LTBP1: variants seen among roughly 807,000 people sequenced by gnomAD.
The protein encoded by LTBP1 is latent-transforming growth factor beta-binding protein 1.
A neutral mutation model predicts 207.6 loss-of-function variants in LTBP1; 129 were observed. The ratio of observed to expected loss-of-function variants is 0.62; its 90% CI spans 0.54 to 0.72. LTBP1 has a LOEUF of 0.72. LTBP1 is among the 30% of genes least tolerant of loss of function. The probability of loss-of-function intolerance (pLI) is 0.00; values close to 1 mark genes in which losing one functional copy is unlikely to be tolerated. For synonymous variants in LTBP1, 963 were observed against 833.7 expected, an observed-to-expected ratio of 1.16 and a Z score of -2.67; for missense variants, 2,281 against 2,217.2, an observed-to-expected ratio of 1.03 and a Z score of -0.58.
intron 3 of LTBP1, among the ~76,000 whole-genome samples, chr2:33,081,028 T>TC (rs1248746694): frequency 6.6e-6 from 1 of 152,186 alleles, no homozygotes; most frequent in Non-Finnish European, 1.5e-5. Flanking sequence ...GGGAAACCTC[T>TC]ATATTTTATG....
At chr2:32,989,854 T>G (rs1684138880) in intron 2 of LTBP1, among the ~76,000 whole-genome samples, 1 of 152,248 alleles carries the variant, frequency 6.6e-6, no homozygotes, top group Non-Finnish European at 1.5e-5. Context: ...GGTAATATGG[T>G]ACCTACGGCA....
At chr2:32,971,782 G>A (rs182318009) in intron 2 of LTBP1, among the ~76,000 whole-genome samples, 16 of 152,238 alleles carry the variant, frequency 1.1e-4, no homozygotes, top group African/African-American at 3.4e-4. Flanking sequence ...GTGTGTCTCT[G>A]CCAAGTTTTG....
intron 3 of LTBP1, among the ~76,000 whole-genome samples, chr2:33,056,826 G>T (rs2077023219): frequency 1.3e-5 from 2 of 152,002 alleles, no homozygotes; most frequent in Admixed American, 1.3e-4. Flanking sequence ...AGGGGACCCG[G>T]ACGGGTTGCC....
intron 19 of LTBP1, among the ~76,000 whole-genome samples, chr2:33,286,578 A>T (rs928616555): frequency 6.6e-6 from 1 of 152,230 alleles, no homozygotes; most frequent in Non-Finnish European, 1.5e-5. Flanking sequence ...CTACATTATT[A>T]TATGCTAAAG....
intron 2 of LTBP1, among the ~76,000 whole-genome samples, chr2:32,995,453 C>T (rs1393125904): frequency 6.6e-5 from 10 of 152,112 alleles, no homozygotes; most frequent in African/African-American, 2.4e-4. Flanking sequence ...TTGTGTCCAA[C>T]TCCAGGATTT....
chr2:33,254,549 GTTTT>G (rs531576154), intron 11 of LTBP1, among the ~76,000 whole-genome samples: 3 of 95,586 alleles, frequency 3.1e-5, no homozygotes, highest in African/African-American at 8.6e-5. Flanking sequence ...TTTAAACTTG[GTTTT>G]TTTTTTTTTT....
intron 11 of LTBP1, among the ~76,000 whole-genome samples, chr2:33,256,952 T>C (rs1312801432): frequency 6.7e-6 from 1 of 150,150 alleles, no homozygotes; most frequent in Non-Finnish European, 1.5e-5. Context: ...TAATCCCTCA[T>C]GGATACTGAG....
intron 3 of LTBP1, among the ~76,000 whole-genome samples, chr2:33,092,645 AT>A (rs58111319): frequency 0.79 from 120,250 of 152,152 alleles, 49,529 homozygotes; most frequent in East Asian, 1. Context: ...CATAGGTGGA[AT>A]TTTTAGTCTT....
At chr2:33,222,216 T>G in intron 9 of LTBP1, 65 bp downstream of exon 9, 1 of 1,160,916 alleles carries the variant, frequency 8.6e-7, no homozygotes, top group Non-Finnish European at 1.3e-6. Flanking sequence ...AAACTTCAGT[T>G]GTTTGCCACG....
At chr2:33,103,427 G>C (rs1034351596) in intron 3 of LTBP1, among the ~76,000 whole-genome samples, 6 of 152,180 alleles carry the variant, frequency 3.9e-5, no homozygotes, top group Admixed American at 3.9e-4. Context: ...TTTGTATGCT[G>C]TATGCACCAT....
intron 3 of LTBP1, among the ~76,000 whole-genome samples, chr2:33,098,311 A>G (rs2079509935): frequency 6.6e-6 from 1 of 152,148 alleles, no homozygotes; most frequent in Non-Finnish European, 1.5e-5. Flanking sequence ...GCATTGAATC[A>G]CCAATTTGTC....
intron 15 of LTBP1, among the ~76,000 whole-genome samples, chr2:33,270,947 G>C (rs2093307497): frequency 6.6e-6 from 1 of 152,148 alleles, no homozygotes; most frequent in Non-Finnish European, 1.5e-5. Context: ...TGGTGGGAAA[G>C]GCCATTATTA....
chr2:33,361,436 C>G lies in LTBP1; in HGVS notation c.4191C>G (p.Phe1397Leu). The part of the protein sequence containing the change: ...FPCPVLGTAE[F>L]TEMCPKGKGF... ...TGTCTCTTCTAAAATCAGCTGAGTT[C>G]ACTGAAATGTGTCCCAAAGGGAAAG... Residue 1397 changes from phenylalanine to leucine, a missense_variant, in exon 28 of 34, where the codon TTC (phenylalanine) becomes TTG (leucine). By Grantham distance (22) the Phe-to-Leu change is conservative. Around this residue, in one of 3 missense-constraint regions of LTBP1, gnomAD observed 1,671 missense variants for 1,634.8 expected, o/e 1.02. Transcript: ENST00000404816. 1 of 1,548,444 alleles carries G rather than the reference C, an allele frequency of 6.5e-7. No individual in the cohort carries two copies. The highest frequency in any genetic ancestry group is 1.4e-5 in the African/African-American group (1 of 70,638).
intron 20 of LTBP1, among the ~76,000 whole-genome samples, chr2:33,298,654 A>G (rs1044655591): frequency 6.6e-6 from 1 of 152,226 alleles, no homozygotes; most frequent in Non-Finnish European, 1.5e-5. Flanking sequence ...TTTGAAAGGT[A>G]TAAAATAATC....
chr2:33,036,219 G>A (rs959511376), intron 3 of LTBP1, among the ~76,000 whole-genome samples: 1 of 152,110 alleles, frequency 6.6e-6, no homozygotes, highest in African/African-American at 2.4e-5. Flanking sequence ...CAGAGTTTCC[G>A]ATTTGGTGGG....
intron 2 of LTBP1, among the ~76,000 whole-genome samples, chr2:33,010,614 C>G (rs1184229919): frequency 6.6e-6 from 1 of 151,662 alleles, no homozygotes; most frequent in African/African-American, 2.4e-5. Context: ...CTGCAGGTAA[C>G]AAGATATCAC....
In LTBP1 at chr2:33,268,625, C is replaced by G. The variant is rs528040937; in HGVS notation, c.2618-5031C>G. Among the ~76,000 whole-genome samples, 69 of 152,300 alleles carry G rather than the reference C, an allele frequency of 4.5e-4. No homozygotes were observed. The South Asian group carries it at 5.6e-3, about 12-fold the overall frequency. Reference sequence around the variant, plus strand: ...AATTATATGTTTCAGCATATAAATTCTTGATTTAGCATAGTGTCTTAATAG... The same window carrying G: ...AATTATATGTTTCAGCATATAAATTGTTGATTTAGCATAGTGTCTTAATAG... On this transcript the variant is annotated intron_variant, in intron 15 of 33. Coordinates refer to ENST00000404816, the MANE Select transcript of LTBP1 (RefSeq NM_206943.4).
At chr2:33,236,203 G>A (rs775602076) in intron 9 of LTBP1, among the ~76,000 whole-genome samples, 3 of 152,066 alleles carry the variant, frequency 2.0e-5, no homozygotes, top group Non-Finnish European at 4.4e-5. Context: ...TATTCCTTTT[G>A]TTTAGCCTGC....
In LTBP1 at chr2:33,078,753, A is replaced by G. The variant is rs530915483; in HGVS notation, c.864-31829A>G. Reference sequence around the variant, plus strand: ...GTGGCATATCACTAAGCTGGAGTCTATATTACATAGTCAGCTCAATAAGGT... The same window carrying G: ...GTGGCATATCACTAAGCTGGAGTCTGTATTACATAGTCAGCTCAATAAGGT... On this transcript the variant is annotated intron_variant, in intron 3 of 33. Transcript: ENST00000404816. Among the ~76,000 whole-genome samples the G allele has an allele frequency of 5.9e-5, 9 of 152,166 alleles. No individual in the cohort carries two copies. The South Asian group carries it at 8.3e-4, about 14-fold the overall frequency.
Sources: allele counts gnomAD v4.1 joint callset (sites outside exome capture counted in the v4.1 genomes callset), GRCh38; gene constraint gnomAD v4.1.1; regional missense constraint gnomAD v4.1.1; transcripts MANE v1.5; gene names NCBI Gene and HGNC (gene_info 2026-07-23, HGNC 2026-07-21).